ARHGAP24: variants seen among roughly 807,000 people sequenced by gnomAD.
ARHGAP24 encodes the protein Rho GTPase activating protein 24.
ARHGAP24 carries 50 observed loss-of-function variants against 76.4 expected under a neutral mutation model. The observed-to-expected ratio is 0.65, with a 90% confidence interval of 0.52 to 0.83. The LOEUF is 0.83. ARHGAP24 is among the 40% of genes least tolerant of loss of function. The probability of loss-of-function intolerance (pLI) is 0.00; values close to 1 mark genes in which losing one functional copy is unlikely to be tolerated. For synonymous variants in ARHGAP24, 345 were observed against 323.3 expected, an observed-to-expected ratio of 1.07 and a Z score of -0.72; for missense variants, 930 against 914.2, an observed-to-expected ratio of 1.02 and a Z score of -0.22.
chr4:85,687,160 G>T (rs373969822), intron 2 of ARHGAP24, among the ~76,000 whole-genome samples: 2 of 152,102 alleles, frequency 1.3e-5, no homozygotes, highest in South Asian at 2.1e-4. Flanking sequence ...TTTGTTGAGG[G>T]AGAAATTAGA....
At chr4:86,000,387 AT>A (rs1740938931) in intron 9 of ARHGAP24, 91 bp from the exon 10 acceptor site, 2 of 979,460 alleles carry the variant, frequency 2.0e-6, no homozygotes, top group Non-Finnish European at 3.2e-6. Flanking sequence ...TTTAGAAAAT[AT>A]TTGTATGTCT....
intron 2 of ARHGAP24, among the ~76,000 whole-genome samples, chr4:85,574,108 T>C (rs536447302): frequency 1.8e-4 from 28 of 152,332 alleles, no homozygotes; most frequent in Admixed American, 1.5e-3. Flanking sequence ...TTTACTTTCT[T>C]AAAAGGCACT....
intron 3 of ARHGAP24, among the ~76,000 whole-genome samples, chr4:85,898,679 A>G (rs1734329400): frequency 6.6e-6 from 1 of 152,210 alleles, no homozygotes; most frequent in Non-Finnish European, 1.5e-5. Context: ...TCTTAAGAAA[A>G]TAAAAACATC....
At chr4:85,582,794 T>C (rs1727670647) in intron 2 of ARHGAP24, among the ~76,000 whole-genome samples, 2 of 152,196 alleles carry the variant, frequency 1.3e-5, no homozygotes, top group African/African-American at 4.8e-5. Flanking sequence ...TTGAAAAGTT[T>C]CAACATATTT....
chr4:85,888,950 T>C (rs189232445), intron 3 of ARHGAP24, among the ~76,000 whole-genome samples: 9 of 152,346 alleles, frequency 5.9e-5, no homozygotes, highest in Admixed American at 5.2e-4. Context: ...GCAAAGGACA[T>C]GATCTTTTTC....
At chr4:85,709,216 A>C (rs556903326) in intron 2 of ARHGAP24, among the ~76,000 whole-genome samples, 15 of 152,126 alleles carry the variant, frequency 9.9e-5, no homozygotes, top group Non-Finnish European at 2.1e-4. Flanking sequence ...TCTCACCTAG[A>C]TGCAAAGGTG....
At chr4:85,824,902 CA>C (rs1263262064) in intron 3 of ARHGAP24, among the ~76,000 whole-genome samples, 7 of 152,014 alleles carry the variant, frequency 4.6e-5, no homozygotes, top group Admixed American at 3.9e-4. Flanking sequence ...CCAGCCTTGC[CA>C]ACATGGAGAA....
intron 3 of ARHGAP24, among the ~76,000 whole-genome samples, chr4:85,864,615 T>G (rs1382756695): frequency 2.0e-5 from 3 of 149,186 alleles, no homozygotes; most frequent in Admixed American, 6.7e-5. Context: ...AAATCAGTTT[T>G]TTTTTTTTTT....
At chr4:85,985,119 G>A (rs1739907965) in intron 8 of ARHGAP24, among the ~76,000 whole-genome samples, 2 of 152,172 alleles carry the variant, frequency 1.3e-5, no homozygotes, top group South Asian at 4.2e-4. Context: ...ACCATGCCCG[G>A]CCAGAAGAGT....
chr4:85,559,987 T>C (rs927494445), intron 1 of ARHGAP24, among the ~76,000 whole-genome samples: 2 of 152,164 alleles, frequency 1.3e-5, no homozygotes, highest in Admixed American at 1.3e-4. Context: ...CCTTTCCATA[T>C]ATGATTGGTT....
At chr4:85,558,341 C>G (rs1726470228) in intron 1 of ARHGAP24, among the ~76,000 whole-genome samples, 1 of 152,168 alleles carries the variant, frequency 6.6e-6, no homozygotes, top group Non-Finnish European at 1.5e-5. Context: ...AGATTTATTT[C>G]TCTTTCTCTA....
chr4:85,769,444 G>A (rs1416431092), intron 3 of ARHGAP24, among the ~76,000 whole-genome samples: 2 of 152,126 alleles, frequency 1.3e-5, no homozygotes, highest in East Asian at 3.8e-4. Flanking sequence ...GTTTTTAAAT[G>A]TCAACAAGTT....
At chr4:85,858,988 G>C (rs1231665037) in intron 3 of ARHGAP24, among the ~76,000 whole-genome samples, 1 of 151,814 alleles carries the variant, frequency 6.6e-6, no homozygotes, top group African/African-American at 2.4e-5. Flanking sequence ...AAAGCAATCT[G>C]TATAATCTGT....
intron 2 of ARHGAP24, among the ~76,000 whole-genome samples, chr4:85,702,441 A>T (rs564115401): frequency 7.2e-5 from 11 of 152,190 alleles, no homozygotes; most frequent in African/African-American, 2.6e-4. Flanking sequence ...TATCAACTTA[A>T]TTAATAATTA....
intron 3 of ARHGAP24, among the ~76,000 whole-genome samples, chr4:85,821,142 T>G (rs1176182343): frequency 6.6e-6 from 1 of 152,136 alleles, no homozygotes; most frequent in African/African-American, 2.4e-5. Flanking sequence ...AAGATTGGAA[T>G]AGACATATAT....
intron 2 of ARHGAP24, among the ~76,000 whole-genome samples, chr4:85,634,635 G>T (rs1721254906): frequency 1.3e-5 from 2 of 151,840 alleles, no homozygotes; most frequent in South Asian, 4.1e-4. Flanking sequence ...ATATCCAGCA[G>T]TGTTGGATTG....
intron 2 of ARHGAP24, among the ~76,000 whole-genome samples, chr4:85,669,669 A>G (rs1447650495): frequency 1.6e-5 from 1 of 64,358 alleles, no homozygotes; most frequent in Non-Finnish European, 3.2e-5. Context: ...ATATATATAT[A>G]TATATATATA....
chr4:85,733,354 C>T (rs1288434505), intron 3 of ARHGAP24, among the ~76,000 whole-genome samples: 7 of 151,806 alleles, frequency 4.6e-5, no homozygotes, highest in Non-Finnish European at 4.4e-5. Context: ...TGAGCCACCA[C>T]GCTGGGCCCA....
intron 1 of ARHGAP24, among the ~76,000 whole-genome samples, chr4:85,491,365 T>C (rs549513895): frequency 6.6e-6 from 1 of 152,360 alleles, no homozygotes; most frequent in South Asian, 2.1e-4. Flanking sequence ...TGTTTAACTT[T>C]AAATATCAAA....
Sources: gnomAD v4.1 joint callset for allele counts (sites outside exome capture counted in the v4.1 genomes callset) on GRCh38, gnomAD v4.1.1 for gene constraint, MANE v1.5 for transcripts, NCBI Gene and HGNC (gene_info 2026-07-23, HGNC 2026-07-21) for gene names.